Variants in SOX6 observed in about 807,000 individuals in gnomAD.
The protein encoded by SOX6 is transcription factor SOX-6.
Under a neutral mutation model 97.8 loss-of-function variants are expected in SOX6, and 11 were observed. That is an observed-to-expected ratio of 0.11 (90% CI 0.07 to 0.19). The LOEUF is 0.19. SOX6 is among the 10% of genes least tolerant of loss of function. The pLI is 1.00. For synonymous variants in SOX6, 360 were observed against 371.4 expected, an observed-to-expected ratio of 0.97 and a Z score of 0.35; for missense variants, 810 against 1,039.5, an observed-to-expected ratio of 0.78 and a Z score of 3.04.
intron 4 of SOX6, among the ~76,000 whole-genome samples, chr11:16,229,062 T>C (rs1852770057): frequency 6.6e-6 from 1 of 152,162 alleles, no homozygotes; most frequent in Non-Finnish European, 1.5e-5. Context: ...CTGCTCACAC[T>C]TGACTCTCCT....
At chr11:16,668,833 C>T (rs553554953) in intron 3 of SOX6, among the ~76,000 whole-genome samples, 13 of 152,092 alleles carry the variant, frequency 8.5e-5, no homozygotes, top group East Asian at 1.9e-4. Flanking sequence ...AAGGGGTCAA[C>T]GAGGATAAAC....
intron 4 of SOX6, among the ~76,000 whole-genome samples, chr11:16,593,310 G>A (rs1848175148): frequency 6.6e-6 from 1 of 152,138 alleles, no homozygotes; most frequent in Non-Finnish European, 1.5e-5. Flanking sequence ...GGTGAGCCAT[G>A]ACAAATGAAT....
At chr11:16,733,622 A>G (rs1049590001) in intron 2 of SOX6, among the ~76,000 whole-genome samples, 3 of 151,378 alleles carry the variant, frequency 2.0e-5, no homozygotes, top group African/African-American at 7.3e-5. Flanking sequence ...GAAATACCTA[A>G]TGCAGATGAT....
chr11:16,495,633 T>C (rs893291138), intron 4 of SOX6, among the ~76,000 whole-genome samples: 1 of 152,200 alleles, frequency 6.6e-6, no homozygotes, highest in Non-Finnish European at 1.5e-5. Context: ...CACAGATCTG[T>C]TGTGAGCCAA....
chr11:16,418,085 T>C (rs1449543573), intron 1 of SOX6, among the ~76,000 whole-genome samples: 2 of 152,192 alleles, frequency 1.3e-5, no homozygotes, highest in African/African-American at 4.8e-5. Context: ...AATCTTTCAG[T>C]TGTATATTAT....
At chr11:16,130,285 G>A (rs1849708085) in intron 6 of SOX6, among the ~76,000 whole-genome samples, 1 of 151,838 alleles carries the variant, frequency 6.6e-6, no homozygotes, top group South Asian at 2.1e-4. Context: ...ACAACATGAG[G>A]ACTATAGTTA....
intron 1 of SOX6, among the ~76,000 whole-genome samples, chr11:16,350,200 T>C (rs1856903487): frequency 6.6e-6 from 1 of 152,206 alleles, no homozygotes; most frequent in Non-Finnish European, 1.5e-5. Context: ...TCTTGCATTG[T>C]GTTCCTCTTT....
chr11:16,696,233 C>G (rs1848052676), intron 3 of SOX6, among the ~76,000 whole-genome samples: 1 of 152,170 alleles, frequency 6.6e-6, no homozygotes, highest in Non-Finnish European at 1.5e-5. Context: ...ATGGTAATGA[C>G]AAGATTTTCC....
chr11:16,204,180 CATACAAAGAGG>C (rs1852011055), intron 4 of SOX6, among the ~76,000 whole-genome samples: 1 of 151,960 alleles, frequency 6.6e-6, no homozygotes, highest in Non-Finnish European at 1.5e-5. Flanking sequence ...TATGATGAAA[CATACAAAGAGG>C]ATACATGATT....
At chr11:16,589,422 A>G (rs1223376512) in intron 4 of SOX6, among the ~76,000 whole-genome samples, 1 of 152,210 alleles carries the variant, frequency 6.6e-6, no homozygotes, top group Non-Finnish European at 1.5e-5. Context: ...AAAGAGAATG[A>G]TTGTAGATAA....
chr11:16,706,501 T>A (rs867617466), intron 3 of SOX6, among the ~76,000 whole-genome samples: 904 of 53,466 alleles, frequency 0.017, 213 homozygotes, highest in Non-Finnish European at 0.024. Context: ...TATATATATA[T>A]ATATATATAT....
intron 2 of SOX6, among the ~76,000 whole-genome samples, chr11:16,334,217 C>T (rs967967397): frequency 2.6e-5 from 4 of 151,994 alleles, no homozygotes; most frequent in East Asian, 1.9e-4. Flanking sequence ...TACTAATGTC[C>T]GATTTTCATT....
intron 9 of SOX6, among the ~76,000 whole-genome samples, chr11:16,076,408 A>C (rs1362187321): frequency 6.8e-6 from 1 of 146,440 alleles, no homozygotes; most frequent in Non-Finnish European, 1.5e-5. Context: ...CAATAAGCAA[A>C]AAAAAAAAAA....
intron 7 of SOX6, among the ~76,000 whole-genome samples, chr11:16,105,633 C>A (rs1002784315): frequency 2.6e-5 from 4 of 152,030 alleles, no homozygotes; most frequent in African/African-American, 9.7e-5. Context: ...AAAGCTTTCC[C>A]CTTAAGATCG....
intron 4 of SOX6, among the ~76,000 whole-genome samples, chr11:16,226,911 C>A (rs1054082790): frequency 3.9e-5 from 6 of 152,110 alleles, no homozygotes; most frequent in Non-Finnish European, 1.5e-5. Context: ...CATAATCTAT[C>A]TTTTTCTTGC....
intron 4 of SOX6, among the ~76,000 whole-genome samples, chr11:16,488,332 T>C (rs551023840): frequency 9.9e-5 from 15 of 152,144 alleles, no homozygotes; most frequent in Non-Finnish European, 2.1e-4. Flanking sequence ...AGAAAGCAGA[T>C]TGTAAAACTA....
chr11:16,706,238 G>A (rs112150405), intron 3 of SOX6, among the ~76,000 whole-genome samples: 1,784 of 149,862 alleles, frequency 0.012, 16 homozygotes, highest in Non-Finnish European at 0.018. Context: ...CCTCCAGTTT[G>A]AGACCAGCCT....
rs573493409 is a variant in SOX6 at position 16,284,990 on chromosome 11, T to C, written c.445+33456A>G. On this transcript the variant is annotated intron_variant, in intron 3 of 15. Transcript: ENST00000683767. ...AGGTACATTAAAAGCACATAGTATATACTTCAGTTGCAAATTAGATTATAA... is the reference window on the plus strand; with the variant it reads ...AGGTACATTAAAAGCACATAGTATACACTTCAGTTGCAAATTAGATTATAA... Among the ~76,000 whole-genome samples the C allele has an allele frequency of 5.3e-5, 8 of 152,286 alleles. No homozygotes were observed. The East Asian group carries it at 1.5e-3, about 29-fold the overall frequency.
chr11:16,516,050 T>C (rs1860966112), intron 4 of SOX6, among the ~76,000 whole-genome samples: 1 of 151,568 alleles, frequency 6.6e-6, no homozygotes, highest in Non-Finnish European at 1.5e-5. Context: ...TGGTTCCATA[T>C]GAACTTTAAA....
Sources: gnomAD v4.1 joint callset for allele counts (sites outside exome capture counted in the v4.1 genomes callset) on GRCh38, gnomAD v4.1.1 for gene constraint, MANE v1.5 for transcripts, NCBI Gene and HGNC (gene_info 2026-07-23, HGNC 2026-07-21) for gene names.